FBXL13: variants seen among roughly 807,000 people sequenced by gnomAD.
FBXL13 encodes the protein F-box and leucine-rich repeat protein 13.
In FBXL13, 67 loss-of-function variants were observed where a neutral mutation model predicts 83.6. The ratio of observed to expected loss-of-function variants is 0.80; its 90% confidence interval spans 0.66 to 0.98. The LOEUF is 0.98. FBXL13 is among the 50% of genes least tolerant of loss of function. The pLI, the probability that FBXL13 is intolerant of heterozygous loss-of-function variation, is 0.00. For missense variants in FBXL13, 822 were observed against 866.5 expected (o/e 0.95, Z 0.64); for synonymous variants, 272 against 299.5 (o/e 0.91, Z 0.95).
chr7:102,933,961 T>C, intron 8 of FBXL13: 1 of 1,613,720 alleles, frequency 6.2e-7, no homozygotes, highest in Non-Finnish European at 8.5e-7. Flanking sequence ...GCAAAGCGGC[T>C]GAGCTGCGCA....
intron 6 of FBXL13, among the ~76,000 whole-genome samples, chr7:103,007,161 G>A (rs1490599589): frequency 6.6e-6 from 1 of 152,002 alleles, no homozygotes; most frequent in Non-Finnish European, 1.5e-5. Context: ...AGAGGAAGGA[G>A]ACAGAAAAAT....
intron 8 of FBXL13, among the ~76,000 whole-genome samples, chr7:102,952,032 A>T (rs560954280): frequency 2.0e-5 from 3 of 152,316 alleles, no homozygotes; most frequent in Admixed American, 6.5e-5. Context: ...AGAAATGCTG[A>T]CACATGCTAA....
intron 11 of FBXL13, among the ~76,000 whole-genome samples, chr7:102,903,277 G>A (rs1813207387): frequency 6.6e-6 from 1 of 152,022 alleles, no homozygotes; most frequent in Non-Finnish European, 1.5e-5. Flanking sequence ...TTTATCCTGT[G>A]ACTTTACTGA....
chr7:102,952,757 G>A (rs559301038), intron 8 of FBXL13, among the ~76,000 whole-genome samples: 2 of 152,204 alleles, frequency 1.3e-5, no homozygotes, highest in Non-Finnish European at 2.9e-5. Context: ...GCTGAGGCAG[G>A]TGGATCACTT....
At chr7:102,918,310 G>C (rs1025577098) in intron 10 of FBXL13, among the ~76,000 whole-genome samples, 5 of 152,118 alleles carry the variant, frequency 3.3e-5, no homozygotes, top group Admixed American at 2.6e-4. Context: ...GCAAGAACTA[G>C]AAGGAAGAGC....
chr7:102,893,541 C>T (rs957322030), intron 11 of FBXL13, among the ~76,000 whole-genome samples: 12 of 152,104 alleles, frequency 7.9e-5, no homozygotes, highest in East Asian at 5.8e-4. Context: ...CCGAGACGGG[C>T]GGATCACAAG....
At chr7:102,945,322 GAC>G (rs773335138) in intron 8 of FBXL13, among the ~76,000 whole-genome samples, 11 of 152,184 alleles carry the variant, frequency 7.2e-5, no homozygotes, top group Admixed American at 7.2e-4. Flanking sequence ...TGAATATGGA[GAC>G]ACCATTTTTG....
chr7:103,032,093 G>C (rs1327955612), intron 2 of FBXL13, among the ~76,000 whole-genome samples: 1 of 152,174 alleles, frequency 6.6e-6, no homozygotes, highest in African/African-American at 2.4e-5. Context: ...TGTTTTTATA[G>C]ATTAGGAGAG....
At chr7:103,046,535 C>A (rs1274000118) in intron 2 of FBXL13, among the ~76,000 whole-genome samples, 2 of 151,914 alleles carry the variant, frequency 1.3e-5, no homozygotes, top group African/African-American at 4.8e-5. Flanking sequence ...AAGTTTCTCA[C>A]CTATGTTGGG....
intron 1 of FBXL13, among the ~76,000 whole-genome samples, chr7:103,069,027 C>T (rs1199426552): frequency 6.6e-6 from 1 of 152,172 alleles, no homozygotes; most frequent in African/African-American, 2.4e-5. Context: ...AGCGCCTCTG[C>T]CCGGCCGCCC....
intron 8 of FBXL13, chr7:102,942,394 C>A (rs543968286): frequency 2.1e-6 from 3 of 1,433,142 alleles, no homozygotes; most frequent in East Asian, 4.9e-5. Context: ...ACGTGAATAA[C>A]AATCATATAA....
intron 17 of FBXL13, among the ~76,000 whole-genome samples, chr7:102,849,754 T>C (rs1804849753): frequency 6.6e-6 from 1 of 152,190 alleles, no homozygotes; most frequent in African/African-American, 2.4e-5. Flanking sequence ...GGGGAAAGAT[T>C]ACCACATGCC....
intron 6 of FBXL13, among the ~76,000 whole-genome samples, chr7:102,996,558 T>C (rs987662267): frequency 1.3e-5 from 2 of 152,188 alleles, no homozygotes; most frequent in African/African-American, 4.8e-5. Flanking sequence ...CTATACTGAT[T>C]AACTCACTCA....
chr7:102,898,148 C>T (rs1241381366), intron 11 of FBXL13, among the ~76,000 whole-genome samples: 1 of 152,012 alleles, frequency 6.6e-6, no homozygotes, highest in East Asian at 1.9e-4. Flanking sequence ...CACCTGACAA[C>T]CCAGCCACTC....
chr7:102,870,098 A>G (rs1359425694), intron 16 of FBXL13, among the ~76,000 whole-genome samples: 4 of 152,190 alleles, frequency 2.6e-5, no homozygotes, highest in Non-Finnish European at 4.4e-5. Flanking sequence ...TAACATGGAA[A>G]CGGCATGCCA....
At chr7:102,919,602 C>G (rs989305496) in intron 10 of FBXL13, among the ~76,000 whole-genome samples, 1 of 152,182 alleles carries the variant, frequency 6.6e-6, no homozygotes, top group Admixed American at 6.5e-5. Context: ...AGGTTACCAA[C>G]AAAGGAACAA....
chr7:103,025,263 A>G, intron 5 of FBXL13, 33 bp from the exon 7 acceptor site: 1 of 1,440,372 alleles, frequency 6.9e-7, no homozygotes, highest in Non-Finnish European at 9.6e-7. Flanking sequence ...ATTCCATGGA[A>G]TTGCTGTAAC....
chr7:103,070,282 A>C (rs1392654500), intron 1 of FBXL13, among the ~76,000 whole-genome samples: 1 of 151,746 alleles, frequency 6.6e-6, no homozygotes, highest in African/African-American at 2.4e-5. Flanking sequence ...CCCAGGCTGG[A>C]GTGTAATGGT....
Position 103,025,248 on chromosome 7 carries a change from T to C in FBXL13, c.328-18A>G. 1 of 1,523,888 alleles carries C rather than the reference T, an allele frequency of 6.6e-7. No individual in the cohort carries two copies. Among genetic ancestry groups the C allele is most frequent in the Non-Finnish European group, 9.0e-7 (1 of 1,114,292 alleles). 94.4% of individuals were successfully genotyped at this position (1,523,888 alleles called of 1,614,324 possible). On this transcript the variant is annotated intron_variant, in intron 5 of 19. Transcript: ENST00000313221. ...TTTAATATCTGCAATGAAAATAATTTTAAAATTCCATGGAATTGCTGTAAC... is the reference window on the plus strand; with the variant it reads ...TTTAATATCTGCAATGAAAATAATTCTAAAATTCCATGGAATTGCTGTAAC...
Sources: gnomAD v4.1 joint callset for allele counts (sites outside exome capture counted in the v4.1 genomes callset) on GRCh38, gnomAD v4.1.1 for gene constraint, MANE v1.5 for transcripts, NCBI Gene and HGNC (gene_info 2026-07-23, HGNC 2026-07-21) for gene names.